The following MACROD2 variants were observed in gnomAD, a reference collection of about 807,000 sequenced individuals.
The protein encoded by MACROD2 is mono-ADP ribosylhydrolase 2, also known as ADP-ribose glycohydrolase MACROD2.
In MACROD2, 36 loss-of-function variants were observed where a neutral mutation model predicts 70.4. The ratio of observed to expected loss-of-function variants is 0.51; its 90% CI spans 0.39 to 0.68. MACROD2 has a LOEUF of 0.68. MACROD2 is among the 30% of genes least tolerant of loss of function. The pLI, the probability that MACROD2 is intolerant of heterozygous loss-of-function variation, is 0.00. For missense variants in MACROD2, 496 were observed against 538.4 expected, an observed-to-expected ratio of 0.92 and a Z score of 0.78; for synonymous variants, 172 against 178.8, an observed-to-expected ratio of 0.96 and a Z score of 0.30.
chr20:14,095,145 T>C (rs1444178094), intron 3 of MACROD2, among the ~76,000 whole-genome samples: 10 of 152,200 alleles, frequency 6.6e-5, no homozygotes, highest in African/African-American at 2.4e-4. Flanking sequence ...TATACACTTC[T>C]GCTAGCATAG....
At chr20:14,476,621 T>C (rs970774436) in intron 3 of MACROD2, among the ~76,000 whole-genome samples, 1 of 152,172 alleles carries the variant, frequency 6.6e-6, no homozygotes. Context: ...CCTCCCAAAG[T>C]GTTGGGATTA....
At chr20:15,126,666 A>G (rs1407247027) in intron 5 of MACROD2, among the ~76,000 whole-genome samples, 1 of 152,084 alleles carries the variant, frequency 6.6e-6, no homozygotes, top group Non-Finnish European at 1.5e-5. Flanking sequence ...TGATTACAAG[A>G]GAAGATATGT....
intron 7 of MACROD2, among the ~76,000 whole-genome samples, chr20:15,447,916 C>G (rs1329961378): frequency 6.6e-6 from 1 of 152,068 alleles, no homozygotes; most frequent in African/African-American, 2.4e-5. Context: ...TGGTTCAGGC[C>G]TGTGTAAAGC....
chr20:14,672,872 C>CTA (rs1169521867), intron 4 of MACROD2, among the ~76,000 whole-genome samples: 1 of 152,124 alleles, frequency 6.6e-6, no homozygotes, highest in African/African-American at 2.4e-5. Flanking sequence ...CTACTGTCAT[C>CTA]TATATATTAA....
In MACROD2 at chr20:14,779,025, G is replaced by T. The variant is rs1181447584; in HGVS notation, c.418+94066G>T. On this transcript the variant is annotated intron_variant, in intron 5 of 17. Coordinates refer to ENST00000684519, the MANE Select transcript of MACROD2 (RefSeq NM_001351661.2). ...ACAGATGAGTAAAATTAAGCAAAAT[G>T]AAGCTAGCTGGTTTAACAAACTTCA... Among the ~76,000 whole-genome samples the T allele has an allele frequency of 2.6e-5, 4 of 152,080 alleles. 1 individual carries two copies. Among genetic ancestry groups the T allele is most frequent in the Non-Finnish European group, 4.4e-5 (3 of 68,030 alleles).
chr20:14,422,986 G>T (rs1271271601), intron 3 of MACROD2, among the ~76,000 whole-genome samples: 2 of 152,120 alleles, frequency 1.3e-5, no homozygotes, highest in Non-Finnish European at 1.5e-5. Context: ...TATCAGCCCC[G>T]CCCACACTTT....
chr20:15,898,911 C>G (rs1326856470), intron 10 of MACROD2, among the ~76,000 whole-genome samples: 1 of 151,600 alleles, frequency 6.6e-6, no homozygotes, highest in East Asian at 1.9e-4. Context: ...TATATATGCA[C>G]ACACACATAT....
intron 3 of MACROD2, among the ~76,000 whole-genome samples, chr20:14,294,396 A>G (rs1048383164): frequency 1.3e-5 from 2 of 151,358 alleles, no homozygotes; most frequent in African/African-American, 4.9e-5. Context: ...ATCTTCTGAC[A>G]GACCTTTAGT....
chr20:14,613,127 G>A (rs1983271384), intron 4 of MACROD2, among the ~76,000 whole-genome samples: 1 of 152,098 alleles, frequency 6.6e-6, no homozygotes, highest in South Asian at 2.1e-4. Context: ...ATTAAAAACA[G>A]GGGTATAGTG....
chr20:14,951,061 T>A (rs770365968), intron 5 of MACROD2, among the ~76,000 whole-genome samples: 4 of 152,110 alleles, frequency 2.6e-5, no homozygotes, highest in Non-Finnish European at 4.4e-5. Flanking sequence ...AACATCAGAT[T>A]TCTCTCTTGC....
At chr20:15,177,882 C>T (rs753392694) in intron 5 of MACROD2, among the ~76,000 whole-genome samples, 2 of 150,626 alleles carry the variant, frequency 1.3e-5, no homozygotes, top group Non-Finnish European at 2.9e-5. Flanking sequence ...GCAATTGGGT[C>T]GTGTATCATT....
chr20:15,136,461 A>G (rs1018951703), intron 5 of MACROD2, among the ~76,000 whole-genome samples: 4 of 152,198 alleles, frequency 2.6e-5, no homozygotes, highest in Non-Finnish European at 1.5e-5. Flanking sequence ...AGCAATGGGG[A>G]AAGGATTCCC....
chr20:14,161,743 C>T (rs778765718), intron 3 of MACROD2, among the ~76,000 whole-genome samples: 1 of 151,862 alleles, frequency 6.6e-6, no homozygotes, highest in Non-Finnish European at 1.5e-5. Context: ...CACCACCACA[C>T]CCGTTATTTA....
At chr20:14,342,796 T>C (rs959679146) in intron 3 of MACROD2, among the ~76,000 whole-genome samples, 3 of 152,146 alleles carry the variant, frequency 2.0e-5, no homozygotes, top group Non-Finnish European at 4.4e-5. Flanking sequence ...CCCAAAACAT[T>C]CTGCACTGGA....
chr20:14,207,822 G>T (rs908061022), intron 3 of MACROD2, among the ~76,000 whole-genome samples: 3 of 152,180 alleles, frequency 2.0e-5, no homozygotes, highest in African/African-American at 7.2e-5. Flanking sequence ...CAAGGTTTGG[G>T]TTACCCCTCT....
chr20:15,946,710 G>A (rs1051967172), intron 12 of MACROD2, among the ~76,000 whole-genome samples: 7 of 152,164 alleles, frequency 4.6e-5, no homozygotes, highest in African/African-American at 1.7e-4. Context: ...TTCTTGTCAG[G>A]TGGGATGAGA....
chr20:15,357,677 A>G (rs761183517), intron 6 of MACROD2, among the ~76,000 whole-genome samples: 25 of 152,200 alleles, frequency 1.6e-4, no homozygotes, highest in Non-Finnish European at 3.2e-4. Context: ...TGTAATACAT[A>G]CAACACTTGG....
At chr20:15,412,102 G>A (rs1350879040) in intron 6 of MACROD2, among the ~76,000 whole-genome samples, 1 of 152,068 alleles carries the variant, frequency 6.6e-6, no homozygotes, top group Non-Finnish European at 1.5e-5. Flanking sequence ...GTTGCTAAAT[G>A]GATCAAAATT....
At chr20:15,959,282 C>T (rs545909070) in intron 12 of MACROD2, among the ~76,000 whole-genome samples, 17 of 152,278 alleles carry the variant, frequency 1.1e-4, no homozygotes, top group African/African-American at 3.6e-4. Context: ...TCCTGTAATA[C>T]CAGATGTCCC....
Sources: allele counts gnomAD v4.1 joint callset (sites outside exome capture counted in the v4.1 genomes callset), GRCh38; gene constraint gnomAD v4.1.1; transcripts MANE v1.5; gene names NCBI Gene and HGNC (gene_info 2026-07-23, HGNC 2026-07-21).